Variants in BAIAP2 observed in about 807,000 individuals in gnomAD.
The protein encoded by BAIAP2 is BAR/IMD domain containing adaptor protein 2, also known as BAR/IMD domain-containing adapter protein 2.
Under a neutral mutation model 63.0 loss-of-function variants are expected in BAIAP2, and 18 were observed. The observed-to-expected ratio is 0.29, with a 90% CI of 0.20 to 0.42. The LOEUF is 0.42. BAIAP2 is among the 10% of genes least tolerant of loss of function. The pLI is 1.00. For missense variants in BAIAP2, 610 were observed against 734.3 expected, an observed-to-expected ratio of 0.83 and a Z score of 1.96; for synonymous variants, 386 against 307.6, an observed-to-expected ratio of 1.25 and a Z score of -2.67.
intron 13 of BAIAP2, among the ~76,000 whole-genome samples, chr17:81,114,098 G>A (rs1254489948): frequency 6.6e-6 from 1 of 151,102 alleles, no homozygotes; most frequent in Non-Finnish European, 1.5e-5. Flanking sequence ...CCATGGAGCT[G>A]GGACCACAGG....
At chr17:81,045,079 C>T (rs1020916447) in intron 1 of BAIAP2, among the ~76,000 whole-genome samples, 5 of 152,190 alleles carry the variant, frequency 3.3e-5, no homozygotes, top group African/African-American at 9.7e-5. Context: ...TGCTGGGCTG[C>T]GGCTCCTCCT....
chr17:81,061,461 C>G (rs1027099363), intron 3 of BAIAP2, among the ~76,000 whole-genome samples: 2 of 152,216 alleles, frequency 1.3e-5, no homozygotes, highest in African/African-American at 4.8e-5. Flanking sequence ...AACCACTGAT[C>G]CGCTTTCTGT....
chr17:81,053,484 T>C, intron 1 of BAIAP2, 184 bp from the exon 2 acceptor site: 1 of 644,602 alleles, frequency 1.6e-6, no homozygotes, highest in Non-Finnish European at 2.7e-6. Flanking sequence ...GGAAGGTCAT[T>C]TTCCCAAGGA....
chr17:81,103,814 G>C (rs554601074), intron 8 of BAIAP2, 91 bp downstream of exon 8: 1 of 1,586,930 alleles, frequency 6.3e-7, no homozygotes, highest in Admixed American at 1.7e-5. Flanking sequence ...CAGAGTCCAG[G>C]GGCCCCTGCT....
At chr17:81,067,464 C>T (rs1173411701) in intron 3 of BAIAP2, among the ~76,000 whole-genome samples, 1 of 152,236 alleles carries the variant, frequency 6.6e-6, no homozygotes, top group African/African-American at 2.4e-5. Context: ...CCCTGCCCGC[C>T]TGCCAACAGC....
intron 6 of BAIAP2, among the ~76,000 whole-genome samples, chr17:81,096,542 TG>T (rs2057644495): frequency 6.8e-6 from 1 of 147,136 alleles, no homozygotes; most frequent in Admixed American, 6.7e-5. Flanking sequence ...GCCTGGGTGT[TG>T]GTCTGAGTGG....
At chr17:81,101,060 C>T in intron 7 of BAIAP2, among the ~76,000 whole-genome samples, 1 of 151,272 alleles carries the variant, frequency 6.6e-6, no homozygotes, top group South Asian at 2.2e-4. Context: ...CGGCACAGTC[C>T]TGCGGCCCTG....
In BAIAP2 at chr17:81,035,328, G is replaced by A. The variant is rs760104639; in HGVS notation, c.54+20G>A. The A allele has an allele frequency of 6.1e-5, 85 of 1,398,172 alleles. No individual in the cohort carries two copies. Among genetic ancestry groups the A allele is most frequent in the Non-Finnish European group, 7.6e-5 (81 of 1,059,966 alleles). The allele number at this position is 1,398,172 out of a possible 1,614,324, so 86.6% of individuals were successfully genotyped here. Reference sequence around the variant, plus strand: ...TATAAGGTGAGCGCCCCCCGGCGCCGAGCTGAGCCCGCTCCGTGTGCGCCT... The same window carrying A: ...TATAAGGTGAGCGCCCCCCGGCGCCAAGCTGAGCCCGCTCCGTGTGCGCCT... On this transcript the variant is annotated intron_variant, in intron 1 of 13. Transcript: ENST00000428708.
At position 81,116,277 on chromosome 17, in the gene BAIAP2, G is replaced by C; in HGVS notation, c.*438G>C. ...CCAGAAGGCCGGGAGCACGGGGATG[G>C]GAGCGCCCGCACCCTGGCTGGAAGA... is the stretch of plus-strand genomic sequence containing the variant. On this transcript the variant is annotated 3_prime_UTR_variant, in exon 14 of 14. Coordinates refer to ENST00000428708, the MANE Select transcript of BAIAP2 (RefSeq NM_001144888.2). 1.2e-6 allele frequency: 2 copies of C among 1,612,876 alleles called. No individual in the cohort carries two copies. The highest frequency in any genetic ancestry group is 2.7e-5 in the African/African-American group (2 of 75,056).
At chr17:81,038,931 G>T (rs1018989885) in intron 1 of BAIAP2, among the ~76,000 whole-genome samples, 1 of 152,304 alleles carries the variant, frequency 6.6e-6, no homozygotes, top group African/African-American at 2.4e-5. Context: ...CACCTGAGGA[G>T]GAGAGAAATC....
intron 13 of BAIAP2, chr17:81,108,765 G>A: frequency 1.1e-6 from 1 of 939,996 alleles, no homozygotes; most frequent in East Asian, 2.7e-5. Flanking sequence ...AGGTTGGGGA[G>A]GGTAGCTGAG....
chr17:81,085,844 G>T, intron 5 of BAIAP2, 119 bp downstream of exon 5: 1 of 756,102 alleles, frequency 1.3e-6, no homozygotes, highest in East Asian at 2.6e-5. Flanking sequence ...CCGTCCACAT[G>T]GGCCCCAGCT....
intron 3 of BAIAP2, among the ~76,000 whole-genome samples, chr17:81,065,165 T>C (rs1052954551): frequency 7.9e-5 from 12 of 151,956 alleles, no homozygotes; most frequent in African/African-American, 2.9e-4. Context: ...GAGACTGGAG[T>C]GGCCGGCTGG....
Position 81,057,969 on chromosome 17 carries a change from T to TGCGGGGGGGGGGGGGGGG in BAIAP2, c.217+3_217+4insCGGGGGGGGGGGGGGGGG. On this transcript the variant is annotated splice_region_variant and intron_variant, in intron 3 of 13. Coordinates refer to ENST00000428708, the MANE Select transcript of BAIAP2 (RefSeq NM_001144888.2). ...AGAGCCAGGGCTCCAAAGAACTCGG[T>TGCGGGGGGGGGGGGGGGG]GAGACCCCCCCCCCCCCCCCGCCTG... is the stretch of plus-strand genomic sequence containing the variant. The TGCGGGGGGGGGGGGGGGG allele has an allele frequency of 4.1e-6, 4 of 964,858 alleles. No homozygotes were observed. Among genetic ancestry groups the TGCGGGGGGGGGGGGGGGG allele is most frequent in the Non-Finnish European group, 5.6e-6 (4 of 713,580 alleles). 59.8% of individuals were successfully genotyped at this position (964,858 alleles called of 1,614,324 possible). A position where few individuals can be genotyped will look rare whatever the true frequency, so the allele number is the denominator to read the frequency against.
At chr17:81,076,697 A>T (rs893703650) in intron 3 of BAIAP2, among the ~76,000 whole-genome samples, 1 of 152,228 alleles carries the variant, frequency 6.6e-6, no homozygotes, top group Non-Finnish European at 1.5e-5. Context: ...TTCAACCACA[A>T]AGGACAGGCT....
rs2047878963 is a variant in BAIAP2, at chr17:81,046,785, G to A, written c.55-6883G>A. Among the ~76,000 whole-genome samples, 1 of 152,022 alleles carries A rather than the reference G, an allele frequency of 6.6e-6. No homozygotes were observed. Among genetic ancestry groups the A allele is most frequent in the South Asian group, 2.1e-4 (1 of 4,816 alleles). ...TTCCAGGCTTGGCTCTGTCCCGTGCGCCCTTCCCTGGAGCCTGGCATCCTA... is the reference window on the plus strand; with the variant it reads ...TTCCAGGCTTGGCTCTGTCCCGTGCACCCTTCCCTGGAGCCTGGCATCCTA... On this transcript the variant is annotated intron_variant, in intron 1 of 13. Transcript: ENST00000428708. This position sits in a 1 kb window ranked among gnomAD's most constrained non-coding sequence, Gnocchi z 4.5.
chr17:81,050,720 CACACAAATGT>C (rs1211805560), intron 1 of BAIAP2, among the ~76,000 whole-genome samples: 2 of 80,890 alleles, frequency 2.5e-5, no homozygotes, highest in African/African-American at 8.3e-5. Flanking sequence ...CACACACACG[CACACAAATGT>C]GCACATGCAC....
In BAIAP2 at chr17:81,044,283, C is replaced by T. The variant is rs1441402862; in HGVS notation, c.54+8975C>T. On this transcript the variant is annotated intron_variant, in intron 1 of 13. Coordinates refer to ENST00000428708, the MANE Select transcript of BAIAP2 (RefSeq NM_001144888.2). ...GGATGGGGCAGCGGCCTCGGGGATT[C>T]TTGCAGGCCAGGCGGTGACCAGACT... Among the ~76,000 whole-genome samples the T allele has an allele frequency of 3.3e-5, 5 of 152,256 alleles. No individual in the cohort carries two copies. In the South Asian group the frequency reaches 6.2e-4, roughly 19 times the overall value.
chr17:81,104,179 A>C (rs1443662633), intron 9 of BAIAP2, 71 bp downstream of exon 9: 58 of 1,526,260 alleles, frequency 3.8e-5, no homozygotes, highest in Non-Finnish European at 5.1e-5. Context: ...GTCATGCCAC[A>C]ACCCTCAATA....
Sources: allele counts gnomAD v4.1 joint callset (sites outside exome capture counted in the v4.1 genomes callset), GRCh38; gene constraint gnomAD v4.1.1; non-coding constraint Gnocchi (gnomAD v3.1); transcripts MANE v1.5; gene names NCBI Gene and HGNC (gene_info 2026-07-23, HGNC 2026-07-21).